The following C19orf44 variants were observed in gnomAD, a reference collection of about 807,000 sequenced individuals.
C19orf44 encodes the protein uncharacterized protein C19orf44.
A neutral mutation model predicts 50.7 loss-of-function variants in C19orf44; 43 were observed. The observed-to-expected ratio is 0.85, with a 90% CI of 0.66 to 1.09. The LOEUF (loss-of-function observed/expected upper bound fraction) is 1.09, where lower values mean the gene tolerates loss of function less well. Among genes scored for constraint, C19orf44 ranks in the 50% least tolerant of loss-of-function variants. The pLI, the probability that C19orf44 is intolerant of heterozygous loss-of-function variation, is 0.00. For missense variants in C19orf44, 722 were observed against 836.2 expected, an observed-to-expected ratio of 0.86 and a Z score of 1.68; for synonymous variants, 298 against 334.7, an observed-to-expected ratio of 0.89 and a Z score of 1.20.
At chr19:16,505,389 T>G (rs1409923526) in intron 3 of C19orf44, among the ~76,000 whole-genome samples, 1 of 151,426 alleles carries the variant, frequency 6.6e-6, no homozygotes, top group Middle Eastern at 3.2e-3. Flanking sequence ...AATTTTTCTA[T>G]TTTTAGTAGA....
At chr19:16,517,383 A>G in intron 8 of C19orf44, 42 bp downstream of exon 8, 1 of 1,385,508 alleles carries the variant, frequency 7.2e-7, no homozygotes, top group Non-Finnish European at 1.0e-6. Flanking sequence ...ACGCACACAA[A>G]CATAGAGCTC....
intron 3 of C19orf44, among the ~76,000 whole-genome samples, chr19:16,505,934 G>A (rs140039418): frequency 2.6e-5 from 4 of 151,744 alleles, no homozygotes; most frequent in Admixed American, 1.3e-4. Context: ...TGCCCATCTC[G>A]GCCTCCCAAA....
At chr19:16,502,939 A>G (rs1453518547) in intron 2 of C19orf44, 126 bp from the exon 3 acceptor site, 3 of 816,270 alleles carry the variant, frequency 3.7e-6, no homozygotes, top group Admixed American at 5.7e-5. Context: ...ACAGTGAGCT[A>G]TTGAGCCACT....
At chr19:16,509,357 C>T (rs752767149) in intron 4 of C19orf44, 142 bp from the exon 5 acceptor site, 55 of 1,129,208 alleles carry the variant, frequency 4.9e-5, no homozygotes, top group East Asian at 9.5e-5. Flanking sequence ...TAGAATACTC[C>T]GTGCCCACAT....
At chr19:16,514,440 G>C (rs547100989) in intron 6 of C19orf44, 57 bp from the exon 7 acceptor site, 18 of 1,499,778 alleles carry the variant, frequency 1.2e-5, no homozygotes, top group African/African-American at 4.2e-5. Flanking sequence ...GTGGGGGGGG[G>C]GCTGCAGAAT....
Position 16,503,148 on chromosome 19 carries a change from C to T in C19orf44, c.843C>T (p.Thr281=), listed in dbSNP as rs778880692. The part of the protein sequence containing the change: ...AKPSQTSHLP[T]SLAADRTLHS... ...CTTCTCAGACATCACACCTGCCAACCTCCCTGGCAGCAGACAGAACCCTTC... is the reference window on the plus strand; with the variant it reads ...CTTCTCAGACATCACACCTGCCAACTTCCCTGGCAGCAGACAGAACCCTTC... Residue 281 remains threonine (T), a synonymous_variant, in exon 3 of 9, where the codon ACC becomes ACT. Transcript: ENST00000221671. 8 of 1,614,148 alleles carry T rather than the reference C, an allele frequency of 5.0e-6. No homozygotes were observed. The Middle Eastern group carries it at 4.9e-4, about 100-fold the overall frequency.
intron 8 of C19orf44, 66 bp downstream of exon 8, chr19:16,517,407 T>A: frequency 8.4e-7 from 1 of 1,190,378 alleles, no homozygotes. Context: ...AGTGTCCAAG[T>A]GTGACGTTCC....
chr19:16,514,166 G>GT lies in C19orf44; in HGVS notation c.1736-324dup, dbSNP rs977317253. Among the ~76,000 whole-genome samples the GT allele has an allele frequency of 4.7e-5, 7 of 147,962 alleles. No homozygotes were observed. The East Asian group carries it at 7.9e-4, about 17-fold the overall frequency. Reference sequence around the variant, plus strand: ...CTACACCTGGCTAATTTTTTTTTTTGTTTTTTTAGTAGAGATGGGGTTTCA... The same window carrying GT: ...CTACACCTGGCTAATTTTTTTTTTTGTTTTTTTTAGTAGAGATGGGGTTTCA... On this transcript the variant is annotated intron_variant, in intron 6 of 8. Coordinates refer to ENST00000221671, the MANE Select transcript of C19orf44 (RefSeq NM_032207.4).
At chr19:16,516,049 C>T (rs1243676370) in intron 7 of C19orf44, among the ~76,000 whole-genome samples, 8 of 152,286 alleles carry the variant, frequency 5.3e-5, no homozygotes, top group African/African-American at 7.2e-5. Flanking sequence ...CCACCTGCCT[C>T]GGCCTCCCAA....
Position 16,519,044 on chromosome 19 carries a change from A to G in C19orf44, c.*41-1050A>G, listed in dbSNP as rs138776573. 17 of 960,808 alleles carry G rather than the reference A, an allele frequency of 1.8e-5. No individual in the cohort carries two copies. Among genetic ancestry groups the G allele is most frequent in the Non-Finnish European group, 2.0e-5 (13 of 649,184 alleles). The allele number at this position is 960,808 out of a possible 1,614,324, so 59.5% of individuals were successfully genotyped here. ...CTTCCTTCTCTTCCTGTGGCTCTCC[A>G]CAAGTGGAGACGGTGTAAGAACTGA... is the stretch of plus-strand genomic sequence containing the variant. On this transcript the variant is annotated intron_variant, in intron 8 of 8. Transcript: ENST00000221671. This position sits in a 1 kb window ranked among gnomAD's most constrained non-coding sequence, Gnocchi z 6.0.
At chr19:16,512,954 G>A in intron 5 of C19orf44, 60 bp from the exon 6 acceptor site, 1 of 1,424,674 alleles carries the variant, frequency 7.0e-7, no homozygotes, top group Non-Finnish European at 9.8e-7. Flanking sequence ...CGTATCTGTG[G>A]ACCCGAAAGT....
In C19orf44 at chr19:16,501,170, T is replaced by C. The variant is rs1283177704; in HGVS notation, c.378T>C (p.Gly126=). Residue 126 remains glycine (G), a synonymous_variant, in exon 2 of 9, where the codon GGT becomes GGC. Coordinates refer to ENST00000221671, the MANE Select transcript of C19orf44 (RefSeq NM_032207.4). The part of the protein sequence containing the change: ...TESDSMTADA[G]LPKRADRILS... ...CTGACTCAATGACCGCCGATGCTGG[T>C]CTTCCAAAGAGAGCTGACAGAATCC... 1 of 1,613,966 alleles carries C rather than the reference T, an allele frequency of 6.2e-7. No homozygotes were observed. Among genetic ancestry groups the C allele is most frequent in the African/African-American group, 1.3e-5 (1 of 74,898 alleles).
At chr19:16,515,846 G>GGGTGCAAT (rs1224620505) in intron 7 of C19orf44, among the ~76,000 whole-genome samples, 1 of 151,900 alleles carries the variant, frequency 6.6e-6, no homozygotes, top group Non-Finnish European at 1.5e-5. Flanking sequence ...GCCCAGGCTG[G>GGGTGCAAT]GGTGCAATGG....
At chr19:16,516,523 G>C (rs1464174016) in intron 7 of C19orf44, among the ~76,000 whole-genome samples, 1 of 152,178 alleles carries the variant, frequency 6.6e-6, no homozygotes, top group Non-Finnish European at 1.5e-5. Context: ...GTTTTGTTCC[G>C]ATTTGGTAAT....
chr19:16,503,735 T>C (rs2093432416), intron 3 of C19orf44, among the ~76,000 whole-genome samples: 1 of 152,102 alleles, frequency 6.6e-6, no homozygotes, highest in Admixed American at 6.6e-5. Flanking sequence ...GGGCTAATTT[T>C]TGTACTCTTT....
At chr19:16,503,554 T>C (rs2093432027) in intron 3 of C19orf44, among the ~76,000 whole-genome samples, 174 bp downstream of exon 3, 1 of 152,154 alleles carries the variant, frequency 6.6e-6, no homozygotes, top group Non-Finnish European at 1.5e-5. Flanking sequence ...CCGATTTTTG[T>C]GCTATCTTTA....
At chr19:16,503,006 C>CA (rs1298139813) in intron 2 of C19orf44, 59 bp from the exon 3 acceptor site, 84 of 1,469,356 alleles carry the variant, frequency 5.7e-5, no homozygotes, top group East Asian at 1.6e-4. Context: ...AAACAAAAAA[C>CA]AAAAAAACAA....
At chr19:16,499,593 A>G (rs548314045) in intron 1 of C19orf44, 1 of 152,046 alleles carries the variant, frequency 6.6e-6, no homozygotes, top group African/African-American at 2.4e-5. Context: ...TTCATCTTTT[A>G]AAGTCTTTGT....
chr19:16,504,773 G>A (rs1296688855), intron 3 of C19orf44, among the ~76,000 whole-genome samples: 1 of 149,920 alleles, frequency 6.7e-6, no homozygotes, highest in Non-Finnish European at 1.5e-5. Context: ...CTAATTTTTT[G>A]TATTTTTAGT....
Sources: allele counts gnomAD v4.1 joint callset (sites outside exome capture counted in the v4.1 genomes callset), GRCh38; gene constraint gnomAD v4.1.1; non-coding constraint Gnocchi (gnomAD v3.1); transcripts MANE v1.5; gene names NCBI Gene and HGNC (gene_info 2026-07-23, HGNC 2026-07-21).